AGBL1: variants seen among roughly 807,000 people sequenced by gnomAD.
The protein encoded by AGBL1 is cytosolic carboxypeptidase 4.
Under a neutral mutation model 118.9 loss-of-function variants are expected in AGBL1, and 130 were observed. That is an observed-to-expected ratio of 1.09 (90% CI 0.95 to 1.26). AGBL1 has a LOEUF of 1.26. Among genes scored for constraint, AGBL1 ranks in the 50% most tolerant of loss-of-function variants. The pLI is 0.00. For synonymous variants in AGBL1, 555 were observed against 478.9 expected, an observed-to-expected ratio of 1.16 and a Z score of -2.08; for missense variants, 1,584 against 1,298.1, an observed-to-expected ratio of 1.22 and a Z score of -3.38.
chr15:86,311,807 A>G (rs2079925489), intron 17 of AGBL1, among the ~76,000 whole-genome samples: 1 of 152,208 alleles, frequency 6.6e-6, no homozygotes, highest in African/African-American at 2.4e-5. Context: ...GGCTTGCTTG[A>G]GGTACCTTCA....
intron 18 of AGBL1, among the ~76,000 whole-genome samples, chr15:86,439,920 C>T (rs1354610926): frequency 5.9e-5 from 9 of 152,138 alleles, no homozygotes; most frequent in Admixed American, 1.3e-4. Flanking sequence ...CCAGTGAGAA[C>T]GGCCAGAGGG....
rs556580288 is a variant in AGBL1, at chr15:86,204,672, C to T, written c.489-20242C>T. ...TGGTGCAATCTTGGCTCACTACAAC[C>T]TCTGCTTCCTGGGTTCAAGCAATTC... is the stretch of plus-strand genomic sequence containing the variant. On this transcript the variant is annotated intron_variant, in intron 5 of 22. Coordinates refer to ENST00000614907, the MANE Select transcript of AGBL1 (RefSeq NM_001386094.1). Among the ~76,000 whole-genome samples, 219 of 152,332 alleles carry T rather than the reference C, an allele frequency of 1.4e-3. 3 individuals are homozygous for T. The South Asian group carries it at 0.045, about 31-fold the overall frequency.
intron 18 of AGBL1, among the ~76,000 whole-genome samples, chr15:86,492,115 A>G (rs781405216): frequency 6.2e-4 from 95 of 152,202 alleles, no homozygotes; most frequent in Middle Eastern, 3.4e-3. Flanking sequence ...ATTGAATTAT[A>G]ACTCATTATG....
At chr15:87,013,169 T>C (rs2081578064) in intron 24 of AGBL1, among the ~76,000 whole-genome samples, 1 of 152,210 alleles carries the variant, frequency 6.6e-6, no homozygotes, top group African/African-American at 2.4e-5. Flanking sequence ...TGTTACTTCT[T>C]CTCAACAGTT....
intron 18 of AGBL1, among the ~76,000 whole-genome samples, chr15:86,500,112 G>A (rs1418221843): frequency 6.6e-6 from 1 of 151,848 alleles, no homozygotes; most frequent in African/African-American, 2.4e-5. Flanking sequence ...TGGAGAAAAT[G>A]GTGCTATTTC....
At chr15:86,209,067 T>C (rs2078046033) in intron 5 of AGBL1, among the ~76,000 whole-genome samples, 1 of 152,194 alleles carries the variant, frequency 6.6e-6, no homozygotes, top group Non-Finnish European at 1.5e-5. Context: ...CTTCATTTCA[T>C]TATGTACCCA....
At chr15:86,619,462 T>G (rs528378550) in intron 21 of AGBL1, among the ~76,000 whole-genome samples, 13 of 152,370 alleles carry the variant, frequency 8.5e-5, no homozygotes, top group Admixed American at 7.8e-4. Context: ...CATTAGCTTT[T>G]GATGTCACTT....
At chr15:86,601,916 C>T (rs1200857674) in intron 21 of AGBL1, among the ~76,000 whole-genome samples, 2 of 152,220 alleles carry the variant, frequency 1.3e-5, no homozygotes, top group African/African-American at 2.4e-5. Flanking sequence ...GGCCAGATCC[C>T]AGGGCTCTTG....
chr15:87,014,974 G>A (rs1374570328), intron 24 of AGBL1, among the ~76,000 whole-genome samples: 1 of 152,070 alleles, frequency 6.6e-6, no homozygotes, highest in Non-Finnish European at 1.5e-5. Flanking sequence ...GTGAGTTGGT[G>A]GACTGAGTGG....
Position 86,159,010 on chromosome 15 carries a change from C to T in AGBL1, c.472C>T (p.Arg158Cys), listed in dbSNP as rs79814209. ...FKVITPYTRKRTQAIRAATEV... is the reference protein window; with the variant it reads ...FKVITPYTRKCTQAIRAATEV... ...GGTTATTACTCCTTACACCCGAAAG[C>T]GCACCCAAGCAATCAGGTACAGAGT... is the stretch of plus-strand genomic sequence containing the variant. The change falls in exon 5 of 23, where the codon CGC (arginine) becomes TGC (cysteine). Residue 158 changes from arginine to cysteine, a missense_variant. By Grantham distance (180) the Arg-to-Cys change is radical. Coordinates refer to ENST00000614907, the MANE Select transcript of AGBL1 (RefSeq NM_001386094.1). 52,468 of 1,612,966 alleles carry T rather than the reference C, an allele frequency of 0.033. 974 individuals carry two copies. Among genetic ancestry groups the T allele is most frequent in the Middle Eastern group, 0.051 (307 of 6,056 alleles).
intron 18 of AGBL1, among the ~76,000 whole-genome samples, chr15:86,418,463 G>T (rs1567247317): frequency 6.6e-6 from 1 of 152,172 alleles, no homozygotes; most frequent in Non-Finnish European, 1.5e-5. Flanking sequence ...ATTGTTCTTG[G>T]TTACAGGTGC....
intron 22 of AGBL1, among the ~76,000 whole-genome samples, chr15:86,757,544 C>A (rs1596454496): frequency 2.0e-5 from 3 of 152,032 alleles, no homozygotes; most frequent in East Asian, 1.9e-4. Context: ...GAGGGAAAAA[C>A]CAAGGCTCAG....
intron 5 of AGBL1, among the ~76,000 whole-genome samples, chr15:86,198,662 TTCTCTCTC>T (rs148093995): frequency 6.7e-6 from 1 of 150,000 alleles, no homozygotes; most frequent in Non-Finnish European, 1.5e-5. Context: ...GAGGAAGATT[TTCTCTCTC>T]TCTCTCTCTC....
At chr15:86,927,037 G>T (rs1334398006) in intron 23 of AGBL1, among the ~76,000 whole-genome samples, 1 of 152,020 alleles carries the variant, frequency 6.6e-6, no homozygotes, top group Non-Finnish European at 1.5e-5. Context: ...TGCTCAGGAG[G>T]CTGAGGCAGG....
chr15:86,548,291 G>C (rs975213098), intron 20 of AGBL1, among the ~76,000 whole-genome samples: 1 of 152,106 alleles, frequency 6.6e-6, no homozygotes, highest in African/African-American at 2.4e-5. Context: ...TTTACCATTA[G>C]TATTGAAGAG....
intron 1 of AGBL1, among the ~76,000 whole-genome samples, chr15:86,095,956 C>T (rs934866780): frequency 1.3e-5 from 2 of 151,874 alleles, no homozygotes; most frequent in Non-Finnish European, 2.9e-5. Context: ...TCAGTTTTTC[C>T]TAAACTTTAA....
At chr15:86,273,678 A>AACT (rs756782094) in intron 15 of AGBL1, among the ~76,000 whole-genome samples, 18 of 152,016 alleles carry the variant, frequency 1.2e-4, no homozygotes, top group Non-Finnish European at 2.2e-4. Flanking sequence ...AATTTGGGAG[A>AACT]ACTTTACTTC....
chr15:86,316,234 C>T (rs1030047613), intron 17 of AGBL1, among the ~76,000 whole-genome samples: 1 of 152,264 alleles, frequency 6.6e-6, no homozygotes, highest in Admixed American at 6.5e-5. Flanking sequence ...ATGACTGAAA[C>T]TCTGTTTCCG....
Position 86,790,189 on chromosome 15 carries a change from G to A in AGBL1, c.3158+115753G>A, listed in dbSNP as rs1447187739. Among the ~76,000 whole-genome samples the A allele has an allele frequency of 3.3e-5, 5 of 152,126 alleles. No homozygotes were observed. The East Asian group carries it at 5.8e-4, about 18-fold the overall frequency. ...CCCACAGAAAGAAACTTCAGGTGAG[G>A]AAAGTACTGTGTTTCTCCAGAAAAA... On this transcript the variant is annotated intron_variant, in intron 22 of 22. Transcript: ENST00000614907.
Sources: allele counts gnomAD v4.1 joint callset (sites outside exome capture counted in the v4.1 genomes callset), GRCh38; gene constraint gnomAD v4.1.1; transcripts MANE v1.5; gene names NCBI Gene and HGNC (gene_info 2026-07-23, HGNC 2026-07-21).